Variants in MOB1A observed in about 807,000 individuals in gnomAD.
The protein encoded by MOB1A is MOB1 Mps One Binder homolog A.
MOB1A carries 10 observed loss-of-function variants against 25.1 expected under a neutral mutation model. The ratio of observed to expected loss-of-function variants is 0.40; its 90% CI spans 0.25 to 0.68. The LOEUF (loss-of-function observed/expected upper bound fraction) is 0.68. Ranked by LOEUF, MOB1A falls within the 30% of genes least tolerant of loss-of-function variation. MOB1A has a pLI of 0.40. For synonymous variants in MOB1A, 81 were observed against 79.5 expected (o/e 1.02, Z -0.10); for missense variants, 177 against 256.3 (o/e 0.69, Z 2.11).
intron 4 of MOB1A, among the ~76,000 whole-genome samples, chr2:74,161,956 CA>C (rs964614639): frequency 2.1e-5 from 3 of 145,578 alleles, no homozygotes; most frequent in Non-Finnish European, 1.5e-5. Context: ...GAGTCTGTCT[CA>C]AAAAAAAAAG....
intron 1 of MOB1A, among the ~76,000 whole-genome samples, chr2:74,174,428 G>C (rs769146012): frequency 6.6e-6 from 1 of 152,084 alleles, no homozygotes; most frequent in Non-Finnish European, 1.5e-5. Context: ...AGGCGGAATG[G>C]GGGGTGGGGA....
chr2:74,159,037 C>A, intron 5 of MOB1A, 54 bp downstream of exon 5: 1 of 1,574,060 alleles, frequency 6.4e-7, no homozygotes, highest in South Asian at 1.1e-5. Flanking sequence ...TTGAAGTTCC[C>A]AATCCAAATA....
intron 1 of MOB1A, among the ~76,000 whole-genome samples, chr2:74,174,512 T>C (rs970297171): frequency 2.0e-5 from 3 of 152,128 alleles, no homozygotes; most frequent in African/African-American, 7.2e-5. Flanking sequence ...TTGAGACGCC[T>C]TGAAAGCAAA....
rs1296264556 is a variant in MOB1A, at chr2:74,178,710, C to T, written c.-36G>A. 4 of 1,262,892 alleles carry T rather than the reference C, an allele frequency of 3.2e-6. No individual in the cohort carries two copies. The South Asian group carries it at 9.8e-5, about 31-fold the overall frequency. 78.2% of individuals were successfully genotyped at this position (1,262,892 alleles called of 1,614,324 possible). On this transcript the variant is annotated 5_prime_UTR_variant, in exon 1 of 6. Transcript: ENST00000396049. ...CAGAGGGGAGGCGAGGGGCCCCTGG[C>T]CCCCGCCTGGATCAGGATTCGGAGC... is the stretch of plus-strand genomic sequence containing the variant.
At chr2:74,161,439 C>G (rs1007895580) in intron 4 of MOB1A, among the ~76,000 whole-genome samples, 1 of 150,472 alleles carries the variant, frequency 6.6e-6, no homozygotes, top group Non-Finnish European at 1.5e-5. Flanking sequence ...GTCAGGAGAT[C>G]GAGACCATCC....
chr2:74,173,195 A>G (rs367968606), intron 1 of MOB1A: 6 of 518,080 alleles, frequency 1.2e-5, no homozygotes, highest in Non-Finnish European at 1.9e-5. Flanking sequence ...ATCACAATAC[A>G]AGAATGCTTT....
chr2:74,159,183 G>C lies in MOB1A; in HGVS notation c.481C>G (p.His161Asp). The change falls in exon 5 of 6, where the codon CAT becomes GAT. Residue 161 changes from histidine to aspartate, a missense_variant. Physicochemically the swap from His to Asp is moderately conservative, Grantham distance 81 (BLOSUM62 -1). Coordinates refer to ENST00000396049, the MANE Select transcript of MOB1A (RefSeq NM_018221.5). Reference protein sequence around the residue: ...ILKRLFRVYAHIYHQHFDSVM... With the variant: ...ILKRLFRVYADIYHQHFDSVM... ...GAATCAAAGTGCTGGTGATAAATAT[G>C]GGCATAAACCCTGAACAGACGCTTT... is the stretch of plus-strand genomic sequence containing the variant. 1 of 1,613,896 alleles carries C rather than the reference G, an allele frequency of 6.2e-7. No homozygotes were observed.
At position 74,165,254 on chromosome 2, in the gene MOB1A, G is replaced by A; in HGVS notation, c.373C>T (p.Gln125Ter). ...GGAAAAAGAGTTTCATCATCAAGCT[G>A]ATCTTGAACCCAAGTCATCAAATAG... ...IDYLMTWVQD[Q>*]LDDETLFPSK... Residue 125 changes from glutamine (Q) to a stop codon, truncating the protein, a stop_gained, in exon 4 of 6, where the codon CAG (glutamine) becomes TAG (stop). Transcript: ENST00000396049. LOFTEE classifies it high-confidence loss of function. 1 of 1,567,084 alleles carries A rather than the reference G, an allele frequency of 6.4e-7. No homozygotes were observed. The highest frequency in any genetic ancestry group is 1.9e-5 in the Admixed American group (1 of 53,480).
At chr2:74,163,512 C>T (rs1693035283) in intron 4 of MOB1A, among the ~76,000 whole-genome samples, 1 of 151,918 alleles carries the variant, frequency 6.6e-6, no homozygotes, top group Non-Finnish European at 1.5e-5. Flanking sequence ...GTGGTGCGTG[C>T]CTACAGTCCC....
At position 74,156,541 on chromosome 2, in the gene MOB1A, G is replaced by A. The variant is rs1020287626; in HGVS notation, c.*27C>T. ...TAGTTCTAGCAATAGATGAAGCAAG[G>A]GGGTAACTGTGTTCTAGAAGAAACA... On this transcript the variant is annotated 3_prime_UTR_variant, in exon 6 of 6. Coordinates refer to ENST00000396049, the MANE Select transcript of MOB1A (RefSeq NM_018221.5). The A allele has an allele frequency of 2.1e-6, 3 of 1,460,198 alleles. No homozygotes were observed. The highest frequency in any genetic ancestry group is 2.8e-6 in the Non-Finnish European group (3 of 1,063,964). 90.5% of individuals were successfully genotyped at this position (1,460,198 alleles called of 1,614,324 possible). A position where few individuals can be genotyped will look rare whatever the true frequency, so the allele number is the denominator to read the frequency against.
chr2:74,178,860 C>G lies in MOB1A; in HGVS notation c.-186G>C, dbSNP rs1198734803. 2 of 389,998 alleles carry G rather than the reference C, an allele frequency of 5.1e-6. No individual in the cohort carries two copies. Among genetic ancestry groups the G allele is most frequent in the African/African-American group, 4.1e-5 (2 of 48,232 alleles). 24.2% of individuals were successfully genotyped at this position (389,998 alleles called of 1,614,324 possible). On this transcript the variant is annotated 5_prime_UTR_variant, in exon 1 of 6. Coordinates refer to ENST00000396049, the MANE Select transcript of MOB1A (RefSeq NM_018221.5). ...TCGGCGCCCGCCTTGCCCGCCTACCCCACCTCGCAGACCCGAAATGCGGAA... is the reference window on the plus strand; with the variant it reads ...TCGGCGCCCGCCTTGCCCGCCTACCGCACCTCGCAGACCCGAAATGCGGAA...
chr2:74,172,091 T>C (rs1258635505), intron 2 of MOB1A, among the ~76,000 whole-genome samples: 1 of 152,190 alleles, frequency 6.6e-6, no homozygotes, highest in Non-Finnish European at 1.5e-5. Context: ...CTTGTTCTCT[T>C]GAACTTAAAG....
intron 1 of MOB1A, among the ~76,000 whole-genome samples, chr2:74,176,514 C>G (rs1344047851): frequency 6.6e-5 from 10 of 151,900 alleles, no homozygotes; most frequent in Admixed American, 6.6e-4. Context: ...CGTGTAATCC[C>G]TGCACTTTGG....
At chr2:74,158,779 A>C (rs1692875768) in intron 5 of MOB1A, among the ~76,000 whole-genome samples, 1 of 77,980 alleles carries the variant, frequency 1.3e-5, no homozygotes, top group Non-Finnish European at 2.2e-5. Flanking sequence ...ACCCTGTCTC[A>C]AAAAAAAAAA....
Position 74,172,711 on chromosome 2 carries a change from A to T in MOB1A, c.56T>A (p.Ile19Asn), listed in dbSNP as rs377027159. The T allele has an allele frequency of 6.2e-7, 1 of 1,613,710 alleles. No individual in the cohort carries two copies. The highest frequency in any genetic ancestry group is 8.5e-7 in the Non-Finnish European group (1 of 1,179,860). The change falls in exon 2 of 6, where the codon ATC becomes AAC. Residue 19 changes from isoleucine (I) to asparagine (N), a missense_variant. Transcript: ENST00000396049. ...TTCATACTGATGAGATCCTTCAGGG[A>T]TATTCTTCTTTGGTTTGAATGTTTT... ...SSKTFKPKKN[I>N]PEGSHQYELL...
chr2:74,169,560 T>A (rs1470857708), intron 2 of MOB1A, among the ~76,000 whole-genome samples: 1 of 152,112 alleles, frequency 6.6e-6, no homozygotes, highest in African/African-American at 2.4e-5. Flanking sequence ...CAACAGAGTA[T>A]CACGAGATAT....
At chr2:74,159,826 C>CG (rs1376752520) in intron 4 of MOB1A, among the ~76,000 whole-genome samples, 2 of 115,642 alleles carry the variant, frequency 1.7e-5, no homozygotes, top group South Asian at 3.6e-4. Flanking sequence ...TGTCCCCCCC[C>CG]CCACCCCGGA....
Sources: gnomAD v4.1 joint callset for allele counts (sites outside exome capture counted in the v4.1 genomes callset) on GRCh38, gnomAD v4.1.1 for gene constraint, MANE v1.5 for transcripts, NCBI Gene and HGNC (gene_info 2026-07-23, HGNC 2026-07-21) for gene names.